The following NOS1AP variants were observed in gnomAD, a reference collection of about 807,000 sequenced individuals.
NOS1AP encodes the protein carboxyl-terminal PDZ ligand of neuronal nitric oxide synthase protein.
A neutral mutation model predicts 56.2 loss-of-function variants in NOS1AP; 21 were observed. That is an observed-to-expected ratio of 0.37 (90% CI 0.26 to 0.54). The LOEUF is 0.54. Ranked by LOEUF, NOS1AP falls within the 20% of genes least tolerant of loss-of-function variation. NOS1AP has a pLI of 0.84. For synonymous variants in NOS1AP, 270 were observed against 274.6 expected, an observed-to-expected ratio of 0.98 and a Z score of 0.17; for missense variants, 522 against 657.8, an observed-to-expected ratio of 0.79 and a Z score of 2.26.
At chr1:162,257,601 A>G (rs1654074107) in intron 2 of NOS1AP, among the ~76,000 whole-genome samples, 1 of 151,738 alleles carries the variant, frequency 6.6e-6, no homozygotes, top group Non-Finnish European at 1.5e-5. Flanking sequence ...GTGAGCCGAG[A>G]TCATGCCACT....
chr1:162,306,539 T>C (rs866048698), intron 4 of NOS1AP, among the ~76,000 whole-genome samples: 5 of 152,162 alleles, frequency 3.3e-5, no homozygotes, highest in Admixed American at 6.5e-5. Flanking sequence ...CTCAGACACA[T>C]AGTTCTAGCC....
At chr1:162,355,455 C>T (rs987904795) in intron 7 of NOS1AP, 102 bp downstream of exon 7, 3 of 1,432,980 alleles carry the variant, frequency 2.1e-6, no homozygotes, top group African/African-American at 2.8e-5. Context: ...TGAGGCACTC[C>T]ATGGCACAGT....
At chr1:162,299,558 C>T (rs972633575) in intron 3 of NOS1AP, among the ~76,000 whole-genome samples, 2 of 151,980 alleles carry the variant, frequency 1.3e-5, no homozygotes, top group Non-Finnish European at 1.5e-5. Flanking sequence ...ATAGGTAATT[C>T]GTATATTAAA....
chr1:162,167,844 C>G (rs1002725291), intron 2 of NOS1AP, among the ~76,000 whole-genome samples: 2 of 152,104 alleles, frequency 1.3e-5, no homozygotes, highest in Non-Finnish European at 2.9e-5. Flanking sequence ...GCATATGTTA[C>G]TTGTTAATAT....
At chr1:162,164,842 A>G (rs1650406955) in intron 2 of NOS1AP, among the ~76,000 whole-genome samples, 1 of 152,196 alleles carries the variant, frequency 6.6e-6, no homozygotes, top group African/African-American at 2.4e-5. Context: ...GCACACACTG[A>G]TGATCGGATC....
intron 1 of NOS1AP, among the ~76,000 whole-genome samples, chr1:162,085,056 G>A (rs1180216770): frequency 2.0e-5 from 3 of 152,102 alleles, no homozygotes; most frequent in African/African-American, 7.2e-5. Flanking sequence ...CTGGTCATTT[G>A]GTTAGAGAGA....
At chr1:162,123,902 T>C (rs966651055) in intron 1 of NOS1AP, among the ~76,000 whole-genome samples, 5 of 152,226 alleles carry the variant, frequency 3.3e-5, no homozygotes, top group African/African-American at 1.2e-4. Context: ...TATTTTCTTA[T>C]ATAATCATAG....
intron 4 of NOS1AP, among the ~76,000 whole-genome samples, chr1:162,324,509 G>A (rs1656522706): frequency 6.9e-6 from 1 of 144,678 alleles, no homozygotes; most frequent in African/African-American, 2.6e-5. Flanking sequence ...TTTAGAAAGT[G>A]CTGTGTGGTG....
intron 2 of NOS1AP, among the ~76,000 whole-genome samples, chr1:162,269,917 TCA>T (rs1169638989): frequency 6.6e-6 from 1 of 152,204 alleles, no homozygotes; most frequent in Non-Finnish European, 1.5e-5. Context: ...AAATAACTTG[TCA>T]CAGTGTTGAG....
chr1:162,140,952 A>G (rs1571055241), intron 1 of NOS1AP, among the ~76,000 whole-genome samples: 2 of 152,026 alleles, frequency 1.3e-5, no homozygotes, highest in African/African-American at 4.8e-5. Context: ...AGAAGTGTCT[A>G]TTCATGTTCT....
intron 4 of NOS1AP, among the ~76,000 whole-genome samples, chr1:162,328,274 G>A (rs898222910): frequency 1.3e-5 from 2 of 152,218 alleles, no homozygotes; most frequent in Non-Finnish European, 2.9e-5. Context: ...TTAATACCTA[G>A]GTGATGGGTT....
At chr1:162,366,806 C>T (rs763564171) in intron 9 of NOS1AP, 28 of 597,080 alleles carry the variant, frequency 4.7e-5, no homozygotes, top group Middle Eastern at 4.5e-4. Flanking sequence ...CTACCAGAAC[C>T]ATCATATGGT....
chr1:162,157,739 G>A (rs73026951), intron 2 of NOS1AP, among the ~76,000 whole-genome samples: 1,538 of 152,306 alleles, frequency 0.01, 27 homozygotes, highest in African/African-American at 0.035. Context: ...TTCCCAGAGA[G>A]AGAAGCATTC....
chr1:162,177,119 G>C (rs760588009), intron 2 of NOS1AP, among the ~76,000 whole-genome samples: 4 of 152,178 alleles, frequency 2.6e-5, no homozygotes, highest in African/African-American at 9.7e-5. Flanking sequence ...CTGCCTGTAA[G>C]TGGTAAGCAT....
At chr1:162,208,807 C>T (rs1400690121) in intron 2 of NOS1AP, among the ~76,000 whole-genome samples, 2 of 152,158 alleles carry the variant, frequency 1.3e-5, no homozygotes, top group African/African-American at 4.8e-5. Flanking sequence ...TTATACCGAC[C>T]GTAAAGTAGA....
At chr1:162,164,100 A>G (rs1484222809) in intron 2 of NOS1AP, among the ~76,000 whole-genome samples, 1 of 152,206 alleles carries the variant, frequency 6.6e-6, no homozygotes, top group Admixed American at 6.5e-5. Flanking sequence ...GTAAGAAATG[A>G]TGTTATTGAG....
intron 2 of NOS1AP, among the ~76,000 whole-genome samples, chr1:162,245,267 C>T (rs1022059350): frequency 2.0e-5 from 3 of 152,168 alleles, no homozygotes; most frequent in Non-Finnish European, 4.4e-5. Context: ...GGCAGATATG[C>T]ATATGAACAG....
intron 2 of NOS1AP, among the ~76,000 whole-genome samples, chr1:162,199,564 C>T (rs1453533589): frequency 6.6e-6 from 1 of 151,258 alleles, no homozygotes; most frequent in African/African-American, 2.4e-5. Flanking sequence ...GAAAATTTCC[C>T]TGATAATTCT....
chr1:162,302,388 T>A (rs1203143151), intron 4 of NOS1AP, among the ~76,000 whole-genome samples: 1 of 152,194 alleles, frequency 6.6e-6, no homozygotes, highest in East Asian at 1.9e-4. Context: ...TATCTTCTAC[T>A]TGAGTGATGA....
Sources: allele counts gnomAD v4.1 joint callset (sites outside exome capture counted in the v4.1 genomes callset), GRCh38; gene constraint gnomAD v4.1.1; transcripts MANE v1.5; gene names NCBI Gene and HGNC (gene_info 2026-07-23, HGNC 2026-07-21).